The following RBMS1 variants were observed in gnomAD, a reference collection of about 807,000 sequenced individuals.
RBMS1 encodes RNA binding motif single stranded interacting protein 1.
In RBMS1, 17 loss-of-function variants were observed where a neutral mutation model predicts 62.3. The ratio of observed to expected loss-of-function variants is 0.27; its 90% CI spans 0.19 to 0.41. RBMS1 has a LOEUF of 0.41. RBMS1 is among the 10% of genes least tolerant of loss of function. The pLI is 1.00. For missense variants in RBMS1, 334 were observed against 504.5 expected (o/e 0.66, Z 3.24); for synonymous variants, 172 against 170.0 (o/e 1.01, Z -0.09).
intron 1 of RBMS1, among the ~76,000 whole-genome samples, chr2:160,373,459 G>A (rs959471316): frequency 1.3e-5 from 2 of 152,136 alleles, no homozygotes; most frequent in African/African-American, 4.8e-5. Context: ...TTTAAGGGTT[G>A]GTTCTGTGCT....
intron 2 of RBMS1, among the ~76,000 whole-genome samples, chr2:160,334,316 A>T (rs1204983555): frequency 6.6e-6 from 1 of 152,204 alleles, no homozygotes; most frequent in East Asian, 1.9e-4. Context: ...GTGGGCAGTC[A>T]GAGTAAAAAC....
intron 1 of RBMS1, among the ~76,000 whole-genome samples, chr2:160,447,587 C>T (rs1339722611): frequency 2.0e-5 from 3 of 152,168 alleles, no homozygotes; most frequent in Non-Finnish European, 4.4e-5. Flanking sequence ...TGTTTCTTTC[C>T]CCAGCTGAAC....
At chr2:160,389,718 A>G (rs1281254543) in intron 1 of RBMS1, among the ~76,000 whole-genome samples, 1 of 150,176 alleles carries the variant, frequency 6.7e-6, no homozygotes, top group East Asian at 1.9e-4. Flanking sequence ...AAAAAAAAAA[A>G]AAAAAAAAAA....
chr2:160,424,066 T>A (rs1696543120), intron 1 of RBMS1, among the ~76,000 whole-genome samples: 2 of 151,280 alleles, frequency 1.3e-5, no homozygotes, highest in South Asian at 4.2e-4. Flanking sequence ...TCGCCCAGGC[T>A]GGAGTGCAGT....
intron 1 of RBMS1, among the ~76,000 whole-genome samples, chr2:160,368,821 G>A (rs370189355): frequency 1.1e-3 from 173 of 152,100 alleles, no homozygotes; most frequent in African/African-American, 4.0e-3. Context: ...TGTATTTTTA[G>A]TAGAGACAGG....
chr2:160,298,521 T>C (rs755315670), intron 6 of RBMS1, among the ~76,000 whole-genome samples: 22 of 151,848 alleles, frequency 1.4e-4, no homozygotes, highest in African/African-American at 1.9e-4. Flanking sequence ...TAAAAGCAGA[T>C]AGAAGAAATA....
At chr2:160,389,215 C>A (rs1400058524) in intron 1 of RBMS1, among the ~76,000 whole-genome samples, 1 of 152,142 alleles carries the variant, frequency 6.6e-6, no homozygotes, top group African/African-American at 2.4e-5. Flanking sequence ...ATGAGCAAAT[C>A]CATGTTTTAA....
At chr2:160,313,100 C>T (rs749655982) in intron 4 of RBMS1, 56 bp downstream of exon 4, 15 of 1,531,440 alleles carry the variant, frequency 9.8e-6, no homozygotes, top group Admixed American at 5.1e-5. Context: ...GCAGACCTGT[C>T]GGGCTTCACA....
chr2:160,385,297 T>C (rs1466999735), intron 1 of RBMS1, among the ~76,000 whole-genome samples: 1 of 152,148 alleles, frequency 6.6e-6, no homozygotes, highest in African/African-American at 2.4e-5. Context: ...AGCCTATACA[T>C]ATAAAGAGCT....
At chr2:160,395,026 C>A (rs1695063922) in intron 1 of RBMS1, among the ~76,000 whole-genome samples, 1 of 152,226 alleles carries the variant, frequency 6.6e-6, no homozygotes, top group African/African-American at 2.4e-5. Flanking sequence ...GGTTCCCAAA[C>A]TGTTCCAAGA....
chr2:160,400,811 C>A (rs182578914), intron 1 of RBMS1, among the ~76,000 whole-genome samples: 158 of 152,086 alleles, frequency 1.0e-3, no homozygotes, highest in African/African-American at 3.5e-3. Flanking sequence ...AAAGGTAGGA[C>A]AGGAGTTTGC....
intron 1 of RBMS1, among the ~76,000 whole-genome samples, chr2:160,419,232 A>C (rs1203415641): frequency 6.6e-6 from 1 of 152,196 alleles, no homozygotes; most frequent in East Asian, 1.9e-4. Flanking sequence ...TCTTTTAAGA[A>C]GTCTTAGAAT....
intron 1 of RBMS1, among the ~76,000 whole-genome samples, chr2:160,456,083 G>A (rs1292570246): frequency 6.6e-6 from 1 of 152,196 alleles, no homozygotes; most frequent in African/African-American, 2.4e-5. Flanking sequence ...GGGGAGCAGA[G>A]AGCAAGGACC....
intron 1 of RBMS1, among the ~76,000 whole-genome samples, chr2:160,442,216 C>G (rs1236593974): frequency 6.6e-6 from 1 of 152,182 alleles, no homozygotes; most frequent in Non-Finnish European, 1.5e-5. Flanking sequence ...TGCAAAAAAG[C>G]TTTGCCTACT....
intron 1 of RBMS1, among the ~76,000 whole-genome samples, chr2:160,406,937 G>A (rs1695744412): frequency 6.6e-6 from 1 of 152,144 alleles, no homozygotes; most frequent in South Asian, 2.1e-4. Flanking sequence ...TGAAAACCTT[G>A]AGAAAGTGAC....
At chr2:160,311,441 A>G (rs1423568463) in intron 4 of RBMS1, among the ~76,000 whole-genome samples, 1 of 151,764 alleles carries the variant, frequency 6.6e-6, no homozygotes, top group Non-Finnish European at 1.5e-5. Flanking sequence ...ATAGCTTCAC[A>G]CTGGTTTTTC....
chr2:160,404,232 CTAATGTG>C (rs1483064978), intron 1 of RBMS1, among the ~76,000 whole-genome samples: 1 of 152,136 alleles, frequency 6.6e-6, no homozygotes, highest in Non-Finnish European at 1.5e-5. Flanking sequence ...AGGTGTATTT[CTAATGTG>C]CTCACAGGCC....
intron 1 of RBMS1, chr2:160,407,389 G>A (rs1462320907): frequency 1.0e-6 from 1 of 985,798 alleles, no homozygotes; most frequent in Non-Finnish European, 1.2e-6. Context: ...GAGGAGGCGC[G>A]GAGCCCCTGA....
At chr2:160,469,302 G>T (rs914820576) in intron 1 of RBMS1, among the ~76,000 whole-genome samples, 2 of 151,892 alleles carry the variant, frequency 1.3e-5, no homozygotes, top group Non-Finnish European at 2.9e-5. Context: ...TCAAACCAGC[G>T]TCCTGTCCTC....
Sources: allele counts gnomAD v4.1 joint callset (sites outside exome capture counted in the v4.1 genomes callset), GRCh38; gene constraint gnomAD v4.1.1; transcripts MANE v1.5; gene names NCBI Gene and HGNC (gene_info 2026-07-23, HGNC 2026-07-21).